TMED10: variants seen among roughly 807,000 people sequenced by gnomAD.
TMED10 encodes transmembrane p24 trafficking protein 10, also known as transmembrane emp24 domain-containing protein 10.
A neutral mutation model predicts 23.1 loss-of-function variants in TMED10; 7 were observed. The ratio of observed to expected loss-of-function variants is 0.30; its 90% CI spans 0.17 to 0.57. The LOEUF (loss-of-function observed/expected upper bound fraction) is 0.57, where lower values mean the gene tolerates loss of function less well. Ranked by LOEUF, TMED10 falls within the 20% of genes least tolerant of loss-of-function variation. TMED10 has a pLI of 0.91. For missense variants in TMED10, 162 were observed against 274.8 expected (o/e 0.59, Z 2.90); for synonymous variants, 113 against 106.9 (o/e 1.06, Z -0.35).
At position 75,176,085 on chromosome 14, in the gene TMED10, T is replaced by C. The variant is rs192261426; in HGVS notation, c.225+270A>G. On this transcript the variant is annotated intron_variant, in intron 1 of 4. Coordinates refer to ENST00000303575, the MANE Select transcript of TMED10 (RefSeq NM_006827.6). ...AATGTATCTGAGACCAAAACTGGTATAGGACGTTGACAACCGCCCCAGCTC... is the reference window on the plus strand; with the variant it reads ...AATGTATCTGAGACCAAAACTGGTACAGGACGTTGACAACCGCCCCAGCTC... 2.5e-3 allele frequency: 1,310 copies of C among 532,738 alleles called. 12 individuals are homozygous for C. Among genetic ancestry groups the C allele is most frequent in the African/African-American group, 0.022 (1,169 of 52,174 alleles). 33.0% of individuals were successfully genotyped at this position (532,738 alleles called of 1,614,324 possible). A position where few individuals can be genotyped will look rare whatever the true frequency, so the allele number is the denominator to read the frequency against.
chr14:75,140,446 G>A, intron 3 of TMED10, among the ~76,000 whole-genome samples: 1 of 151,900 alleles, frequency 6.6e-6, no homozygotes, highest in East Asian at 1.9e-4. Flanking sequence ...GGTGGCTCAC[G>A]CCTGTAATCT....
chr14:75,140,691 T>C (rs1895811060), intron 3 of TMED10, among the ~76,000 whole-genome samples: 3 of 152,072 alleles, frequency 2.0e-5, no homozygotes. Context: ...CTGGGCTGGG[T>C]GGACTCTGTC....
Position 75,144,346 on chromosome 14 carries a change from CATAAA to C in TMED10, c.411+3313_411+3317del, listed in dbSNP as rs1895857430. 2.6e-5 allele frequency among the ~76,000 whole-genome samples: 4 copies of C among 152,174 alleles called. No individual in the cohort carries two copies. In the South Asian group the frequency reaches 8.3e-4, roughly 32 times the overall value. The stretch of plus-strand genomic sequence containing the variant: ...AGAAGTGAGACAGTGGTCAGAGGTT[CATAAA>C]ATAAAATGCAAGAAATCAAAATCAA... On this transcript the variant is annotated intron_variant, in intron 3 of 4. Coordinates refer to ENST00000303575, the MANE Select transcript of TMED10 (RefSeq NM_006827.6).
chr14:75,153,544 T>C (rs772188788), intron 1 of TMED10, among the ~76,000 whole-genome samples: 18 of 152,326 alleles, frequency 1.2e-4, no homozygotes, highest in Middle Eastern at 3.4e-3. Context: ...GCTGTCTTAG[T>C]AGAAAGCATA....
chr14:75,149,628 GGTTCAGACA>G, intron 2 of TMED10, among the ~76,000 whole-genome samples: 1 of 152,212 alleles, frequency 6.6e-6, no homozygotes, highest in Admixed American at 6.5e-5. Context: ...CAAAGGAACT[GGTTCAGACA>G]ATTCCAATAT....
At position 75,147,186 on chromosome 14, in the gene TMED10, T is replaced by G. The variant is rs1205976747; in HGVS notation, c.411+478A>C. 3.2e-3 allele frequency among the ~76,000 whole-genome samples: 6 copies of G among 1,898 alleles called. No homozygotes were observed. In the Admixed American group the frequency reaches 0.083, roughly 26 times the overall value. 1.2% of individuals were successfully genotyped at this position (1,898 alleles called of 152,430 possible). A position where few individuals can be genotyped will look rare whatever the true frequency, so the allele number is the denominator to read the frequency against. On this transcript the variant is annotated intron_variant, in intron 3 of 4. Coordinates refer to ENST00000303575, the MANE Select transcript of TMED10 (RefSeq NM_006827.6). ...CAGCCAGAATTATTCTTCAAGGCTGTTTTTTTTTTTTTTTTTTTTTGAGAT... is the reference window on the plus strand; with the variant it reads ...CAGCCAGAATTATTCTTCAAGGCTGGTTTTTTTTTTTTTTTTTTTTGAGAT...
At chr14:75,156,921 G>GAA (rs1896026675) in intron 1 of TMED10, among the ~76,000 whole-genome samples, 2 of 140,770 alleles carry the variant, frequency 1.4e-5, no homozygotes, top group African/African-American at 5.7e-5. Flanking sequence ...TCAAAAAAAA[G>GAA]AAAAGAAAAG....
chr14:75,134,804 G>A lies in TMED10; in HGVS notation c.*81C>T, dbSNP rs200117044. On this transcript the variant is annotated 3_prime_UTR_variant, in exon 5 of 5. Transcript: ENST00000303575. ...CCAACGTGCCTTGATGGTGCTGTTG[G>A]TAGGATGCCTTAGGCCAGGCACGTC... 2 of 1,587,738 alleles carry A rather than the reference G, an allele frequency of 1.3e-6. No homozygotes were observed. The highest frequency in any genetic ancestry group is 1.7e-6 in the Non-Finnish European group (2 of 1,161,768).
chr14:75,143,955 T>G (rs1372685539), intron 3 of TMED10, among the ~76,000 whole-genome samples: 2 of 143,656 alleles, frequency 1.4e-5, no homozygotes, highest in Admixed American at 7.0e-5. Flanking sequence ...AAAAAAGGAC[T>G]TTGGATCTAG....
At chr14:75,164,582 T>A (rs1324078868) in intron 1 of TMED10, among the ~76,000 whole-genome samples, 1 of 61,480 alleles carries the variant, frequency 1.6e-5, no homozygotes, top group African/African-American at 6.1e-5. Context: ...TATATATTTT[T>A]TTTTTTTTTT....
At position 75,131,870 on chromosome 14, in the gene TMED10, G is replaced by A. The variant is rs991755769; in HGVS notation, c.*3015C>T. On this transcript the variant is annotated 3_prime_UTR_variant, in exon 5 of 5. Coordinates refer to ENST00000303575, the MANE Select transcript of TMED10 (RefSeq NM_006827.6). ...GTAAAGGGAAGGGACATGAAAGAAT[G>A]TCAACTCCTACAAAGCTTAAGTTTA... 3 of 152,264 alleles carry A rather than the reference G, an allele frequency of 2.0e-5. No homozygotes were observed. The highest frequency in any genetic ancestry group is 7.2e-5 in the African/African-American group (3 of 41,450). 9.4% of individuals were successfully genotyped at this position (152,264 alleles called of 1,614,324 possible).
intron 1 of TMED10, among the ~76,000 whole-genome samples, chr14:75,172,842 A>G (rs1594877121): frequency 6.6e-6 from 1 of 152,340 alleles, no homozygotes; most frequent in African/African-American, 2.4e-5. Flanking sequence ...ACTATTCCCT[A>G]TAACACTGAA....
intron 1 of TMED10, among the ~76,000 whole-genome samples, chr14:75,161,319 C>T (rs1363552799): frequency 1.3e-5 from 2 of 151,856 alleles, no homozygotes. Context: ...GTCAATAAGG[C>T]AATTAGGAAT....
chr14:75,135,028 G>A (rs1895730937), intron 4 of TMED10, 22 bp from the exon 5 acceptor site: 1 of 1,613,378 alleles, frequency 6.2e-7, no homozygotes, highest in Non-Finnish European at 8.5e-7. Context: ...CAAAAGCATT[G>A]TAAACATAAT....
intron 2 of TMED10, among the ~76,000 whole-genome samples, chr14:75,149,837 GCT>G (rs76033420): frequency 0.47 from 71,588 of 152,000 alleles, 17,330 homozygotes; most frequent in Middle Eastern, 0.56. Context: ...GGGCACGGTG[GCT>G]CATGCCTGTA....
intron 1 of TMED10, among the ~76,000 whole-genome samples, chr14:75,171,265 T>C (rs1035717590): frequency 2.0e-5 from 3 of 151,128 alleles, no homozygotes; most frequent in Non-Finnish European, 4.4e-5. Flanking sequence ...TTAAAGATAC[T>C]ATGCTACTGG....
intron 3 of TMED10, among the ~76,000 whole-genome samples, chr14:75,137,614 G>A (rs999858948): frequency 8.6e-5 from 13 of 150,292 alleles, no homozygotes; most frequent in African/African-American, 3.2e-4. Flanking sequence ...GGCGGAGCTT[G>A]CAGTGAGTTG....
chr14:75,141,790 T>C (rs1895825494), intron 3 of TMED10, among the ~76,000 whole-genome samples: 1 of 152,222 alleles, frequency 6.6e-6, no homozygotes, highest in Admixed American at 6.5e-5. Flanking sequence ...AGGATCTATA[T>C]AAGTTGTCCT....
intron 1 of TMED10, among the ~76,000 whole-genome samples, chr14:75,157,265 T>C (rs1896031121): frequency 6.6e-6 from 1 of 152,226 alleles, no homozygotes; most frequent in Non-Finnish European, 1.5e-5. Flanking sequence ...ACATAATCTT[T>C]AATCTTCTCA....
Sources: allele counts gnomAD v4.1 joint callset (sites outside exome capture counted in the v4.1 genomes callset), GRCh38; gene constraint gnomAD v4.1.1; transcripts MANE v1.5; gene names NCBI Gene and HGNC (gene_info 2026-07-23, HGNC 2026-07-21).